CDC14A: variants seen among roughly 807,000 people sequenced by gnomAD.
The protein encoded by CDC14A is dual specificity protein phosphatase CDC14A.
A neutral mutation model predicts 74.4 loss-of-function variants in CDC14A; 53 were observed. The ratio of observed to expected loss-of-function variants is 0.71; its 90% CI spans 0.57 to 0.89. CDC14A has a LOEUF of 0.89. Among genes scored for constraint, CDC14A ranks in the 40% least tolerant of loss-of-function variants. The probability of loss-of-function intolerance (pLI) is 0.00; values close to 1 mark genes in which losing one functional copy is unlikely to be tolerated. For synonymous variants in CDC14A, 247 were observed against 258.4 expected, an observed-to-expected ratio of 0.96 and a Z score of 0.43; for missense variants, 646 against 713.7, an observed-to-expected ratio of 0.91 and a Z score of 1.08.
intron 4 of CDC14A, among the ~76,000 whole-genome samples, chr1:100,402,716 A>G (rs1659432908): frequency 6.6e-6 from 1 of 152,178 alleles, no homozygotes; most frequent in Admixed American, 6.5e-5. Context: ...AAGGACTAGA[A>G]CCCCGATCCC....
intron 15 of CDC14A, among the ~76,000 whole-genome samples, chr1:100,509,347 A>G (rs1649512241): frequency 6.6e-6 from 1 of 152,140 alleles, no homozygotes; most frequent in African/African-American, 2.4e-5. Flanking sequence ...AGAGTCACCT[A>G]TCTTGTGGAT....
upstream of CDC14A, chr1:100,351,731 C>G (rs1440409034): frequency 3.8e-5 from 59 of 1,550,096 alleles, no homozygotes; most frequent in Non-Finnish European, 4.9e-5. Flanking sequence ...CATTGGCGGC[C>G]CAGATGAGAG....
chr1:100,399,578 T>G (rs922534918), intron 4 of CDC14A, among the ~76,000 whole-genome samples: 3 of 152,226 alleles, frequency 2.0e-5, no homozygotes, highest in Admixed American at 6.5e-5. Flanking sequence ...AATCATTTTT[T>G]TGATTAATGA....
chr1:100,499,344 C>T, intron 15 of CDC14A, 82 bp downstream of exon 15: 1 of 1,613,762 alleles, frequency 6.2e-7, no homozygotes, highest in Non-Finnish European at 8.5e-7. Context: ...GAGGCTGCCA[C>T]CAAAGAAATT....
At chr1:100,504,667 C>T (rs1649075853) in intron 15 of CDC14A, 1 of 600,402 alleles carries the variant, frequency 1.7e-6, no homozygotes, top group Admixed American at 2.9e-5. Context: ...TTTCCCTGTT[C>T]AGAAATGACC....
chr1:100,456,337 C>A (rs932802459), intron 8 of CDC14A, among the ~76,000 whole-genome samples: 5 of 151,950 alleles, frequency 3.3e-5, no homozygotes, highest in African/African-American at 1.2e-4. Context: ...ACTAATATTC[C>A]CTAGAAAACA....
chr1:100,352,638 G>T lies in CDC14A; in HGVS notation c.-317G>T. On this transcript the variant is annotated 5_prime_UTR_variant, in exon 1 of 16. Coordinates refer to ENST00000336454, the MANE Select transcript of CDC14A (RefSeq NM_003672.4). ...CCGGGGGAAGACTTTGCCCTGCCCTGAGAGCTGGTCTGCGTTTCCCAGGCG... is the reference window on the plus strand; with the variant it reads ...CCGGGGGAAGACTTTGCCCTGCCCTTAGAGCTGGTCTGCGTTTCCCAGGCG... 1 of 1,235,614 alleles carries T rather than the reference G, an allele frequency of 8.1e-7. No individual in the cohort carries two copies. Among genetic ancestry groups the T allele is most frequent in the South Asian group, 1.9e-5 (1 of 52,914 alleles). The allele number at this position is 1,235,614 out of a possible 1,614,324, so 76.5% of individuals were successfully genotyped here. A position where few individuals can be genotyped will look rare whatever the true frequency, so the allele number is the denominator to read the frequency against.
chr1:100,415,072 C>T lies in CDC14A; in HGVS notation c.310-9150C>T, dbSNP rs28361220. On this transcript the variant is annotated intron_variant, in intron 4 of 15. Coordinates refer to ENST00000336454, the MANE Select transcript of CDC14A (RefSeq NM_003672.4). ...AGATGTGCATTTGTGCTGGCTGTAGCTGTCAGTTCTGGAAGGATATCTTTT... is the reference window on the plus strand; with the variant it reads ...AGATGTGCATTTGTGCTGGCTGTAGTTGTCAGTTCTGGAAGGATATCTTTT... 3.3e-3 allele frequency among the ~76,000 whole-genome samples: 495 copies of T among 152,184 alleles called. 5 individuals carry two copies. The highest frequency in any genetic ancestry group is 0.011 in the African/African-American group (468 of 41,520).
At chr1:100,439,125 TAAA>T (rs1664647605) in intron 5 of CDC14A, among the ~76,000 whole-genome samples, 1 of 152,212 alleles carries the variant, frequency 6.6e-6, no homozygotes, top group Non-Finnish European at 1.5e-5. Flanking sequence ...TCTAAAAACT[TAAA>T]TAAAGTATGA....
chr1:100,423,161 C>T (rs951081155), intron 4 of CDC14A, among the ~76,000 whole-genome samples: 1 of 152,166 alleles, frequency 6.6e-6, no homozygotes, highest in Non-Finnish European at 1.5e-5. Context: ...CTTCACATTC[C>T]GGCCACTGCC....
At chr1:100,403,181 A>T (rs181401160) in intron 4 of CDC14A, among the ~76,000 whole-genome samples, 1 of 152,202 alleles carries the variant, frequency 6.6e-6, no homozygotes, top group Admixed American at 6.5e-5. Flanking sequence ...CACATTTTAC[A>T]TTGCAGCCTA....
At chr1:100,441,317 G>C (rs113575013) in intron 6 of CDC14A, among the ~76,000 whole-genome samples, 3 of 152,178 alleles carry the variant, frequency 2.0e-5, no homozygotes, top group African/African-American at 7.2e-5. Context: ...AGATTGTGCA[G>C]CATGTCTTTA....
chr1:100,442,356 TTATA>T (rs1032245969), intron 6 of CDC14A, among the ~76,000 whole-genome samples: 3 of 146,390 alleles, frequency 2.0e-5, no homozygotes, highest in South Asian at 2.1e-4. Context: ...ATATACTATA[TTATA>T]TATAGTATAT....
intron 7 of CDC14A, among the ~76,000 whole-genome samples, chr1:100,452,390 T>C (rs1666234627): frequency 6.6e-6 from 1 of 152,250 alleles, no homozygotes; most frequent in African/African-American, 2.4e-5. Context: ...TGTGTGCCTG[T>C]AATCCCAGCT....
At chr1:100,514,325 A>G (rs1650024025) in intron 15 of CDC14A, among the ~76,000 whole-genome samples, 2 of 152,224 alleles carry the variant, frequency 1.3e-5, no homozygotes, top group South Asian at 2.1e-4. Flanking sequence ...TGTTCTTATA[A>G]TGAAAATTTC....
At chr1:100,450,791 T>A (rs1666066165) in intron 7 of CDC14A, among the ~76,000 whole-genome samples, 1 of 152,186 alleles carries the variant, frequency 6.6e-6, no homozygotes, top group Admixed American at 6.5e-5. Context: ...CTTTAATGAT[T>A]GTTTGGTATC....
At chr1:100,351,620 T>G (rs1007657349), upstream of CDC14A, 2 of 744,350 alleles carry the variant, frequency 2.7e-6, no homozygotes, top group South Asian at 1.7e-5. Context: ...CTCTCTCTCC[T>G]GTTCCCTCCG....
chr1:100,420,082 A>ATATATATATATATATATATGTGT (rs58124351), intron 4 of CDC14A, among the ~76,000 whole-genome samples: 1 of 105,526 alleles, frequency 9.5e-6, no homozygotes, highest in African/African-American at 3.3e-5. Context: ...ATATATATAT[A>ATATATATATATATATATATGTGT]GTGTGTATGT....
intron 4 of CDC14A, among the ~76,000 whole-genome samples, chr1:100,416,547 A>G (rs1004537527): frequency 1.3e-5 from 2 of 152,208 alleles, no homozygotes; most frequent in Admixed American, 1.3e-4. Flanking sequence ...GGTTGAACTA[A>G]ATCATGGTCT....
Sources: allele counts gnomAD v4.1 joint callset (sites outside exome capture counted in the v4.1 genomes callset), GRCh38; gene constraint gnomAD v4.1.1; transcripts MANE v1.5; gene names NCBI Gene and HGNC (gene_info 2026-07-23, HGNC 2026-07-21).